The following ABHD2 variants were observed in gnomAD, a reference collection of about 807,000 sequenced individuals.
ABHD2 encodes the protein abhydrolase domain containing 2, acylglycerol lipase.
Under a neutral mutation model 48.1 loss-of-function variants are expected in ABHD2, and 20 were observed. The observed-to-expected ratio is 0.42, with a 90% CI of 0.29 to 0.60. The LOEUF is 0.60. Among genes scored for constraint, ABHD2 ranks in the 20% least tolerant of loss-of-function variants. The pLI is 0.24. For synonymous variants in ABHD2, 209 were observed against 214.2 expected (o/e 0.98, Z 0.21); for missense variants, 405 against 550.9 (o/e 0.74, Z 2.65).
intron 3 of ABHD2, chr15:89,135,926 C>CTT (rs879125413): frequency 5.5e-4 from 234 of 428,702 alleles, no homozygotes; most frequent in East Asian, 8.6e-4. Flanking sequence ...GATCCTTTAA[C>CTT]TTTTTTTTTT....
chr15:89,161,423 C>G (rs2050760001), intron 5 of ABHD2, among the ~76,000 whole-genome samples: 1 of 152,044 alleles, frequency 6.6e-6, no homozygotes, highest in Non-Finnish European at 1.5e-5. Context: ...TTTTCTGAGA[C>G]ACTGTCTCAC....
intron 3 of ABHD2, among the ~76,000 whole-genome samples, chr15:89,131,375 T>G (rs1186028402): frequency 6.6e-6 from 1 of 152,226 alleles, no homozygotes; most frequent in Non-Finnish European, 1.5e-5. Flanking sequence ...CATAATCACC[T>G]TCTTTCTGAT....
In ABHD2 at chr15:89,102,895, A is replaced by G. The variant is rs894924527; in HGVS notation, c.-106-10830A>G. Among the ~76,000 whole-genome samples, 2 of 152,254 alleles carry G rather than the reference A, an allele frequency of 1.3e-5. No homozygotes were observed. The highest frequency in any genetic ancestry group is 4.8e-5 in the African/African-American group (2 of 41,472). ...TGGTAGGCTAGGGGTGGCAGGTGGG[A>G]TTGCCCTTGGGCTTTAAAGAAGGCT... On this transcript the variant is annotated intron_variant, in intron 1 of 10. Transcript: ENST00000352732. The surrounding 1 kb of genome is among the most constrained non-coding windows in gnomAD (Gnocchi z 4.8).
chr15:89,064,485 C>A, the ABHD2 span, among the ~76,000 whole-genome samples: 1 of 152,066 alleles, frequency 6.6e-6, no homozygotes, highest in Non-Finnish European at 1.5e-5. Flanking sequence ...ACCTCGGCCT[C>A]CCAAAGTGCT....
At position 89,199,694 on chromosome 15, in the gene ABHD2, G is replaced by C. The variant is rs1390381861; in HGVS notation, c.*4271G>C. 6.6e-6 allele frequency: 1 copy of C among 151,758 alleles called. No individual in the cohort carries two copies. Among genetic ancestry groups the C allele is most frequent in the Non-Finnish European group, 1.5e-5 (1 of 67,972 alleles). The allele number at this position is 151,758 out of a possible 1,614,324, so 9.4% of individuals were successfully genotyped here. A position where few individuals can be genotyped will look rare whatever the true frequency, so the allele number is the denominator to read the frequency against. The stretch of plus-strand genomic sequence containing the variant: ...TTACTCTGTTGTTCAAAGCCACTTT[G>C]GATTGCTTGGATGCTTCGAACAGCC... On this transcript the variant is annotated 3_prime_UTR_variant, in exon 11 of 11. Transcript: ENST00000352732. This position sits in a 1 kb window ranked among gnomAD's most constrained non-coding sequence, Gnocchi z 4.1.
chr15:89,089,941 C>T (rs1244119048), intron 1 of ABHD2, among the ~76,000 whole-genome samples: 1 of 152,132 alleles, frequency 6.6e-6, no homozygotes, highest in Non-Finnish European at 1.5e-5. Context: ...TCATCTCTAT[C>T]TAAGTCTAAT....
chr15:89,065,096 C>A, the ABHD2 span, among the ~76,000 whole-genome samples: 1 of 152,120 alleles, frequency 6.6e-6, no homozygotes, highest in Non-Finnish European at 1.5e-5. Flanking sequence ...AACATGGGTG[C>A]TATGGGCATC....
the ABHD2 span, among the ~76,000 whole-genome samples, chr15:89,062,674 C>T: frequency 6.6e-6 from 1 of 152,122 alleles, no homozygotes; most frequent in Non-Finnish European, 1.5e-5. Flanking sequence ...AGGCGTGAGC[C>T]ACCGCACCCA....
chr15:89,108,907 G>A (rs293386), intron 1 of ABHD2, among the ~76,000 whole-genome samples: 58,681 of 152,080 alleles, frequency 0.39, 11,930 homozygotes, highest in Non-Finnish European at 0.46. Context: ...CCGCAATTCT[G>A]TCCCTAGAAT....
At chr15:89,150,002 A>G (rs2050565670) in intron 3 of ABHD2, among the ~76,000 whole-genome samples, 1 of 152,170 alleles carries the variant, frequency 6.6e-6, no homozygotes, top group Non-Finnish European at 1.5e-5. Flanking sequence ...CTGACTCTAA[A>G]CTGGGAATGT....
chr15:89,139,900 C>T (rs2050375635), intron 3 of ABHD2, among the ~76,000 whole-genome samples: 1 of 152,184 alleles, frequency 6.6e-6, no homozygotes, highest in African/African-American at 2.4e-5. Flanking sequence ...GGAGTTTCAG[C>T]ACGCAGCCAG....
In ABHD2 at chr15:89,195,508, C is replaced by G. The variant is rs998402382; in HGVS notation, c.*85C>G. ...CCTGTTTCAGGTCTCCCATCTCCCT[C>G]AGTGACCTGGATCTGACCTCACACC... On this transcript the variant is annotated 3_prime_UTR_variant, in exon 11 of 11. Coordinates refer to ENST00000352732, the MANE Select transcript of ABHD2 (RefSeq NM_152924.5). This position sits in a 1 kb window ranked among gnomAD's most constrained non-coding sequence, Gnocchi z 5.1. 18 of 1,441,812 alleles carry G rather than the reference C, an allele frequency of 1.2e-5. No individual in the cohort carries two copies. Among genetic ancestry groups the G allele is most frequent in the African/African-American group, 5.6e-5 (4 of 71,088 alleles). 89.3% of individuals were successfully genotyped at this position (1,441,812 alleles called of 1,614,324 possible).
Position 89,166,231 on chromosome 15 carries a change from A to G in ABHD2, c.539-9581A>G, listed in dbSNP as rs1313490177. Among the ~76,000 whole-genome samples the G allele has an allele frequency of 6.6e-6, 1 of 152,200 alleles. No individual in the cohort carries two copies. Among genetic ancestry groups the G allele is most frequent in the Non-Finnish European group, 1.5e-5 (1 of 68,022 alleles). On this transcript the variant is annotated intron_variant, in intron 5 of 10. Coordinates refer to ENST00000352732, the MANE Select transcript of ABHD2 (RefSeq NM_152924.5). This position sits in a 1 kb window ranked among gnomAD's most constrained non-coding sequence, Gnocchi z 4.6. ...AGTCCCTTAGGATCATGAGCCTTCT[A>G]AGAACTTAGTACCCATCTCCCACCA...
At chr15:89,150,907 A>C (rs1242478037) in intron 3 of ABHD2, among the ~76,000 whole-genome samples, 3 of 152,222 alleles carry the variant, frequency 2.0e-5, no homozygotes, top group Admixed American at 1.3e-4. Flanking sequence ...TGTAAACCAT[A>C]ATCATTTCTT....
chr15:89,124,543 C>G (rs2050103166), intron 3 of ABHD2, among the ~76,000 whole-genome samples: 1 of 152,222 alleles, frequency 6.6e-6, no homozygotes, highest in Non-Finnish European at 1.5e-5. Flanking sequence ...CACAGACATT[C>G]CACATCAGAT....
the ABHD2 span, among the ~76,000 whole-genome samples, chr15:89,053,874 G>T: frequency 2.0e-5 from 3 of 152,174 alleles, no homozygotes; most frequent in Non-Finnish European, 4.4e-5. Context: ...TCCCAATTAA[G>T]GTGCCAGCCT....
At chr15:89,157,982 T>C (rs1273641954) in intron 5 of ABHD2, among the ~76,000 whole-genome samples, 2 of 151,536 alleles carry the variant, frequency 1.3e-5, no homozygotes, top group Non-Finnish European at 1.5e-5. Context: ...AAGAAAACAA[T>C]GGGGAATAAT....
chr15:89,059,238 G>A, the ABHD2 span, among the ~76,000 whole-genome samples: 1 of 152,170 alleles, frequency 6.6e-6, no homozygotes, highest in South Asian at 2.1e-4. Context: ...GATCCAGGAA[G>A]AGGGGTACAT....
intron 5 of ABHD2, among the ~76,000 whole-genome samples, chr15:89,158,380 G>A (rs921272685): frequency 1.3e-5 from 2 of 152,226 alleles, no homozygotes; most frequent in African/African-American, 4.8e-5. Context: ...GCTCCAGAGT[G>A]CTGTACTGTT....
Sources: allele counts gnomAD v4.1 joint callset (sites outside exome capture counted in the v4.1 genomes callset), GRCh38; gene constraint gnomAD v4.1.1; non-coding constraint Gnocchi (gnomAD v3.1); transcripts MANE v1.5; gene names NCBI Gene and HGNC (gene_info 2026-07-23, HGNC 2026-07-21).